Variants in GNAI1 observed in about 807,000 individuals in gnomAD.
The protein encoded by GNAI1 is G protein subunit alpha i1.
In GNAI1, 11 loss-of-function variants were observed where a neutral mutation model predicts 38.9. The observed-to-expected ratio is 0.28, with a 90% CI of 0.18 to 0.47. GNAI1 has a LOEUF of 0.47. Among genes scored for constraint, GNAI1 ranks in the 20% least tolerant of loss-of-function variants. The pLI, the probability that GNAI1 is intolerant of heterozygous loss-of-function variation, is 0.99. For missense variants in GNAI1, 317 were observed against 436.9 expected (o/e 0.73, Z 2.45); for synonymous variants, 166 against 145.1 (o/e 1.14, Z -1.04).
intron 1 of GNAI1, among the ~76,000 whole-genome samples, chr7:80,182,793 C>T (rs918923219): frequency 6.6e-6 from 1 of 152,206 alleles, no homozygotes; most frequent in East Asian, 1.9e-4. Flanking sequence ...CCATTACATG[C>T]ATGTTCACGT....
At chr7:80,138,858 A>G (rs1787472656) in intron 1 of GNAI1, among the ~76,000 whole-genome samples, 1 of 152,070 alleles carries the variant, frequency 6.6e-6, no homozygotes, top group Non-Finnish European at 1.5e-5. Flanking sequence ...GTTTGGGGGA[A>G]AATGAGCTGA....
intron 6 of GNAI1, 97 bp from the exon 7 acceptor site, chr7:80,212,619 C>G: frequency 3.0e-6 from 2 of 676,108 alleles, no homozygotes; most frequent in Non-Finnish European, 4.7e-6. Flanking sequence ...TTTTCAATCA[C>G]TAAACTCTGT....
At chr7:80,205,006 T>C (rs1332132753) in intron 5 of GNAI1, among the ~76,000 whole-genome samples, 4 of 152,148 alleles carry the variant, frequency 2.6e-5, no homozygotes, top group African/African-American at 4.8e-5. Flanking sequence ...AGAAGTTCTT[T>C]TTTTAAAATC....
chr7:80,162,887 G>A (rs1199361645), intron 1 of GNAI1, among the ~76,000 whole-genome samples: 3 of 152,178 alleles, frequency 2.0e-5, no homozygotes, highest in Non-Finnish European at 2.9e-5. Context: ...GGAAGTGTGT[G>A]GGTAATATTG....
chr7:80,191,681 C>G (rs921485593), intron 3 of GNAI1, among the ~76,000 whole-genome samples: 3 of 152,146 alleles, frequency 2.0e-5, no homozygotes, highest in Admixed American at 6.5e-5. Flanking sequence ...CGTGAGCCAC[C>G]ACGCCAAGCC....
intron 3 of GNAI1, among the ~76,000 whole-genome samples, chr7:80,193,674 A>G (rs1788518643): frequency 1.3e-5 from 2 of 152,208 alleles, no homozygotes; most frequent in Admixed American, 1.3e-4. Flanking sequence ...CCTGTCCACA[A>G]GAGTGTGCAC....
intron 5 of GNAI1, among the ~76,000 whole-genome samples, chr7:80,205,833 TG>T (rs1265518247): frequency 6.6e-6 from 1 of 152,148 alleles, no homozygotes; most frequent in African/African-American, 2.4e-5. Context: ...GAAATTATTT[TG>T]TCTTTTTTAT....
At chr7:80,195,633 T>C (rs1253701075) in intron 3 of GNAI1, among the ~76,000 whole-genome samples, 2 of 151,928 alleles carry the variant, frequency 1.3e-5, no homozygotes, top group Non-Finnish European at 2.9e-5. Context: ...TTCAATAAAA[T>C]TCAACAGCCC....
In GNAI1 at chr7:80,218,639, T is replaced by A; in HGVS notation, c.*1146T>A. 1 of 152,188 alleles carries A rather than the reference T, an allele frequency of 6.6e-6. No homozygotes were observed. Among genetic ancestry groups the A allele is most frequent in the Non-Finnish European group, 1.5e-5 (1 of 68,020 alleles). 9.4% of individuals were successfully genotyped at this position (152,188 alleles called of 1,614,324 possible). Reference sequence around the variant, plus strand: ...ATATAACTAATTTCAAATGTAATTATCACACTATGTTAAAATTACTTTTTT... The same window carrying A: ...ATATAACTAATTTCAAATGTAATTAACACACTATGTTAAAATTACTTTTTT... On this transcript the variant is annotated 3_prime_UTR_variant, in exon 8 of 8. Transcript: ENST00000649796.
intron 1 of GNAI1, among the ~76,000 whole-genome samples, chr7:80,154,366 A>T (rs1464354940): frequency 6.6e-6 from 1 of 152,070 alleles, no homozygotes; most frequent in Non-Finnish European, 1.5e-5. Flanking sequence ...GAATTTGGTG[A>T]ATTTTGTACT....
At chr7:80,138,720 T>C (rs1243326015) in intron 1 of GNAI1, among the ~76,000 whole-genome samples, 3 of 152,182 alleles carry the variant, frequency 2.0e-5, no homozygotes, top group Non-Finnish European at 4.4e-5. Context: ...GAATTTATTT[T>C]CTGTTCCAAA....
At chr7:80,149,861 A>G (rs186217486) in intron 1 of GNAI1, among the ~76,000 whole-genome samples, 234 of 152,314 alleles carry the variant, frequency 1.5e-3, no homozygotes, top group African/African-American at 5.5e-3. Flanking sequence ...AGGATATACA[A>G]ACTAAAGTAG....
At chr7:80,184,416 G>A (rs1203631420) in intron 1 of GNAI1, among the ~76,000 whole-genome samples, 1 of 152,140 alleles carries the variant, frequency 6.6e-6, no homozygotes, top group African/African-American at 2.4e-5. Context: ...ATGCGCAGTG[G>A]CCTGCTAGCG....
intron 7 of GNAI1, among the ~76,000 whole-genome samples, chr7:80,216,342 A>C (rs1450790641): frequency 3.3e-5 from 5 of 151,996 alleles, no homozygotes; most frequent in African/African-American, 1.2e-4. Context: ...CACACATAAC[A>C]CAATCACAAC....
At chr7:80,217,239 T>TCTGTATGAAACTGAAG in intron 7 of GNAI1, 64 bp from the exon 8 acceptor site, 1 of 1,053,104 alleles carries the variant, frequency 9.5e-7, no homozygotes, top group East Asian at 2.5e-5. Flanking sequence ...TGAAACTGAA[T>TCTGTATGAAACTGAAG]TCAGTATTTT....
At chr7:80,170,774 C>T (rs1299846344) in intron 1 of GNAI1, among the ~76,000 whole-genome samples, 1 of 152,148 alleles carries the variant, frequency 6.6e-6, no homozygotes, top group Non-Finnish European at 1.5e-5. Flanking sequence ...CTTCCACCAG[C>T]TCCACTTCCA....
intron 1 of GNAI1, among the ~76,000 whole-genome samples, chr7:80,180,028 A>G (rs1788261811): frequency 6.6e-6 from 1 of 152,182 alleles, no homozygotes; most frequent in South Asian, 2.1e-4. Context: ...GACTCCGCTC[A>G]CAAATGTGAG....
chr7:80,220,273 A>G lies in GNAI1; in HGVS notation c.*2780A>G, dbSNP rs1562848034. ...TGATATGCTTAGAGCAGTGCCTACA[A>G]TGTGGGAAGTGTTCATTTGTGTCTG... On this transcript the variant is annotated 3_prime_UTR_variant, in exon 8 of 8. Transcript: ENST00000649796. Among the ~76,000 whole-genome samples, 1 of 152,196 alleles carries G rather than the reference A, an allele frequency of 6.6e-6. No individual in the cohort carries two copies. The highest frequency in any genetic ancestry group is 2.4e-5 in the African/African-American group (1 of 41,454).
intron 1 of GNAI1, among the ~76,000 whole-genome samples, chr7:80,142,635 A>G (rs1391479183): frequency 6.6e-6 from 1 of 152,220 alleles, no homozygotes; most frequent in Admixed American, 6.5e-5. Context: ...TAATGGATAA[A>G]TTGTTGAACA....
Sources: allele counts gnomAD v4.1 joint callset (sites outside exome capture counted in the v4.1 genomes callset), GRCh38; gene constraint gnomAD v4.1.1; transcripts MANE v1.5; gene names NCBI Gene and HGNC (gene_info 2026-07-23, HGNC 2026-07-21).